TTC29: variants seen among roughly 807,000 people sequenced by gnomAD.
TTC29 encodes the protein tetratricopeptide repeat domain 29.
Under a neutral mutation model 58.1 loss-of-function variants are expected in TTC29, and 49 were observed. The ratio of observed to expected loss-of-function variants is 0.84; its 90% CI spans 0.67 to 1.07. The LOEUF is 1.07. TTC29 is among the 50% of genes least tolerant of loss of function. The probability of loss-of-function intolerance (pLI) is 0.00; values close to 1 mark genes in which losing one functional copy is unlikely to be tolerated. For synonymous variants in TTC29, 209 were observed against 196.8 expected (o/e 1.06, Z -0.52); for missense variants, 582 against 555.6 (o/e 1.05, Z -0.48).
intron 10 of TTC29, among the ~76,000 whole-genome samples, chr4:146,804,443 G>A (rs1194334076): frequency 1.3e-5 from 2 of 152,106 alleles, no homozygotes; most frequent in East Asian, 1.9e-4. Context: ...CTAGCTCAGC[G>A]AATCCCACCT....
At chr4:146,755,099 C>T (rs750312868) in intron 11 of TTC29, among the ~76,000 whole-genome samples, 1 of 151,810 alleles carries the variant, frequency 6.6e-6, no homozygotes, top group Non-Finnish European at 1.5e-5. Flanking sequence ...CAAATAGCCA[C>T]CTTATTGAAA....
At chr4:146,842,712 G>T (rs1728924907) in intron 8 of TTC29, among the ~76,000 whole-genome samples, 1 of 152,038 alleles carries the variant, frequency 6.6e-6, no homozygotes, top group African/African-American at 2.4e-5. Context: ...AGCTAATATT[G>T]TGTTATACAT....
chr4:146,860,222 C>CA (rs1355002457), intron 8 of TTC29, among the ~76,000 whole-genome samples: 3 of 152,060 alleles, frequency 2.0e-5, no homozygotes, highest in Non-Finnish European at 4.4e-5. Context: ...TCTCTCCCCC[C>CA]AAAACTTTCT....
chr4:146,861,934 T>G (rs67423711), intron 8 of TTC29, among the ~76,000 whole-genome samples: 16,163 of 152,022 alleles, frequency 0.11, 1,039 homozygotes, highest in East Asian at 0.2. Flanking sequence ...AAGATAAAAT[T>G]GTATATAGAA....
intron 11 of TTC29, among the ~76,000 whole-genome samples, chr4:146,802,138 T>A (rs1181573663): frequency 6.6e-6 from 1 of 151,854 alleles, no homozygotes; most frequent in Non-Finnish European, 1.5e-5. Flanking sequence ...CCAAAATAAA[T>A]CTGAAAATGT....
At chr4:146,754,413 C>T (rs1746273431) in intron 11 of TTC29, among the ~76,000 whole-genome samples, 1 of 151,862 alleles carries the variant, frequency 6.6e-6, no homozygotes, top group Non-Finnish European at 1.5e-5. Flanking sequence ...CTCTTCTGAA[C>T]ATATTTTAAG....
intron 11 of TTC29, among the ~76,000 whole-genome samples, chr4:146,708,874 G>T (rs1316750122): frequency 1.3e-5 from 2 of 151,894 alleles, no homozygotes; most frequent in East Asian, 1.9e-4. Flanking sequence ...GATACTATCA[G>T]CCCAGAAACC....
At chr4:146,861,898 A>G (rs924036577) in intron 8 of TTC29, among the ~76,000 whole-genome samples, 2 of 152,302 alleles carry the variant, frequency 1.3e-5, no homozygotes, top group East Asian at 1.9e-4. Flanking sequence ...AAATATTCCA[A>G]TTCATCAATT....
At chr4:146,800,413 T>C (rs1750133527) in intron 11 of TTC29, among the ~76,000 whole-genome samples, 1 of 152,226 alleles carries the variant, frequency 6.6e-6, no homozygotes, top group Non-Finnish European at 1.5e-5. Flanking sequence ...AAATGTATCT[T>C]TCAGATCTTT....
At chr4:146,809,064 G>A (rs1750828655) in intron 10 of TTC29, among the ~76,000 whole-genome samples, 1 of 149,654 alleles carries the variant, frequency 6.7e-6, no homozygotes. Context: ...AAAGAACAGA[G>A]TCTTCAGAAA....
chr4:146,761,781 A>T (rs1033202155), intron 11 of TTC29, among the ~76,000 whole-genome samples: 10 of 151,440 alleles, frequency 6.6e-5, no homozygotes, highest in Admixed American at 6.6e-4. Context: ...TGGGCTCAAA[A>T]CCACCTGCTG....
chr4:146,928,625 C>T (rs893480428), intron 4 of TTC29, among the ~76,000 whole-genome samples: 1 of 152,168 alleles, frequency 6.6e-6, no homozygotes, highest in Non-Finnish European at 1.5e-5. Context: ...TTGCTCAGGT[C>T]AGTTCAGAAG....
At chr4:146,722,703 A>G (rs769378623) in intron 11 of TTC29, among the ~76,000 whole-genome samples, 3 of 151,816 alleles carry the variant, frequency 2.0e-5, no homozygotes, top group Non-Finnish European at 4.4e-5. Context: ...ATTTTATTTT[A>G]TTTTTATTTT....
chr4:146,712,517 A>G (rs1156637250), intron 11 of TTC29, among the ~76,000 whole-genome samples: 1 of 152,136 alleles, frequency 6.6e-6, no homozygotes, highest in Non-Finnish European at 1.5e-5. Flanking sequence ...ACACAGCCAG[A>G]CACTAATTTT....
chr4:146,804,802 C>T (rs773155202), intron 10 of TTC29, among the ~76,000 whole-genome samples: 19 of 152,134 alleles, frequency 1.2e-4, no homozygotes, highest in Non-Finnish European at 2.8e-4. Flanking sequence ...AGGCTGTGGG[C>T]GCAGCTTCAG....
chr4:146,937,354 T>C (rs957978924), intron 4 of TTC29, among the ~76,000 whole-genome samples: 1 of 152,002 alleles, frequency 6.6e-6, no homozygotes, highest in African/African-American at 2.4e-5. Flanking sequence ...TAACTAAATA[T>C]TGCAAATGTG....
At chr4:146,791,107 A>T (rs890452193) in intron 11 of TTC29, among the ~76,000 whole-genome samples, 1 of 152,218 alleles carries the variant, frequency 6.6e-6, no homozygotes, top group African/African-American at 2.4e-5. Flanking sequence ...CTGAGTTGAG[A>T]ATTCTCAATT....
intron 11 of TTC29, among the ~76,000 whole-genome samples, chr4:146,785,251 G>A (rs917451512): frequency 1.0e-4 from 15 of 145,408 alleles, no homozygotes; most frequent in Non-Finnish European, 1.8e-4. Context: ...GGAGTGCAAT[G>A]GCATGATCCC....
intron 4 of TTC29, among the ~76,000 whole-genome samples, chr4:146,911,092 C>G (rs1424475023): frequency 1.3e-5 from 2 of 152,172 alleles, no homozygotes; most frequent in South Asian, 4.1e-4. Context: ...GGATTACCAA[C>G]ATCCCTCTCC....
Sources: allele counts gnomAD v4.1 joint callset (sites outside exome capture counted in the v4.1 genomes callset), GRCh38; gene constraint gnomAD v4.1.1; transcripts MANE v1.5; gene names NCBI Gene and HGNC (gene_info 2026-07-23, HGNC 2026-07-21).